Variants in NUDT9 observed in about 807,000 individuals in gnomAD.
NUDT9 encodes ADP-ribose pyrophosphatase.
NUDT9 carries 31 observed loss-of-function variants against 41.0 expected under a neutral mutation model. The observed-to-expected ratio is 0.76, with a 90% CI of 0.57 to 1.02. The LOEUF (loss-of-function observed/expected upper bound fraction) is 1.02, where lower values mean the gene tolerates loss of function less well. Ranked by LOEUF, NUDT9 falls within the 50% of genes least tolerant of loss-of-function variation. The pLI, the probability that NUDT9 is intolerant of heterozygous loss-of-function variation, is 0.00. For synonymous variants in NUDT9, 146 were observed against 147.6 expected (o/e 0.99, Z 0.08); for missense variants, 380 against 431.4 (o/e 0.88, Z 1.06).
chr4:87,443,691 A>C (rs533855611), intron 4 of NUDT9, among the ~76,000 whole-genome samples: 2 of 152,342 alleles, frequency 1.3e-5, no homozygotes, highest in South Asian at 4.1e-4. Flanking sequence ...GGTAGATTTG[A>C]GCTGAACTTG....
At chr4:87,448,138 ATTTTTTT>A (rs1213818782) in intron 4 of NUDT9, among the ~76,000 whole-genome samples, 6 of 92,386 alleles carry the variant, frequency 6.5e-5, no homozygotes, top group African/African-American at 1.9e-4. Context: ...TTAAAAGCAA[ATTTTTTT>A]TTTTTTTTTT....
At chr4:87,424,258 T>A (rs1007918901) in intron 1 of NUDT9, among the ~76,000 whole-genome samples, 1,107 of 67,128 alleles carry the variant, frequency 0.016, 10 homozygotes, top group African/African-American at 0.046. Context: ...TAATGCGTTT[T>A]TTTTTTTTTT....
At position 87,422,941 on chromosome 4, in the gene NUDT9, G is replaced by A. The variant is rs1257228808; in HGVS notation, c.36G>A (p.Ala12=). Residue 12 remains alanine (A), a synonymous_variant, in exon 1 of 8, where the codon GCG becomes GCA. Transcript: ENST00000302174. ...AGRLLGKALA[A]VSLSLALASV... ...GCCTCCTGGGAAAGGCTTTAGCCGCGGTGTCTCTCTCTCTGGCCTTGGCCT... is the reference window on the plus strand; with the variant it reads ...GCCTCCTGGGAAAGGCTTTAGCCGCAGTGTCTCTCTCTCTGGCCTTGGCCT... 12 of 1,612,422 alleles carry A rather than the reference G, an allele frequency of 7.4e-6. No homozygotes were observed. The highest frequency in any genetic ancestry group is 9.3e-6 in the Non-Finnish European group (11 of 1,179,692).
intron 6 of NUDT9, among the ~76,000 whole-genome samples, chr4:87,453,968 T>C (rs1039818293): frequency 1.3e-5 from 2 of 151,564 alleles, no homozygotes; most frequent in Non-Finnish European, 2.9e-5. Context: ...AAGTAATTTC[T>C]CCTGTCTTAG....
intron 1 of NUDT9, among the ~76,000 whole-genome samples, chr4:87,432,987 T>C (rs71607434): frequency 0.096 from 14,678 of 152,148 alleles, 1,031 homozygotes; most frequent in East Asian, 0.29. Context: ...TGTCAAGCTT[T>C]AGTATCAGGA....
intron 2 of NUDT9, among the ~76,000 whole-genome samples, chr4:87,437,698 A>G (rs1410246682): frequency 3.3e-5 from 5 of 152,204 alleles, no homozygotes; most frequent in African/African-American, 4.8e-5. Flanking sequence ...TTTTACATTT[A>G]CATAGCTCTG....
chr4:87,453,491 G>A (rs1318619157), intron 6 of NUDT9, among the ~76,000 whole-genome samples: 2 of 152,070 alleles, frequency 1.3e-5, no homozygotes, highest in Non-Finnish European at 2.9e-5. Flanking sequence ...GTGCAGTGAT[G>A]CGATCTCGGC....
rs750577053 is a variant in NUDT9 at position 87,423,009 on chromosome 4, T to G, written c.104T>G (p.Phe35Cys). 4 of 1,612,284 alleles carry G rather than the reference T, an allele frequency of 2.5e-6. No individual in the cohort carries two copies. Among genetic ancestry groups the G allele is most frequent in the Non-Finnish European group, 3.4e-6 (4 of 1,179,052 alleles). The change falls in exon 1 of 8, where the codon TTC (phenylalanine) becomes TGC (cysteine). Residue 35 changes from phenylalanine (F) to cysteine (C), a missense_variant. Phe to Cys is a radical substitution (Grantham distance 205, BLOSUM62 -2). Coordinates refer to ENST00000302174, the MANE Select transcript of NUDT9 (RefSeq NM_024047.5). ...RSSRCRGIQAFRNSFSSSWFH... is the reference protein window; with the variant it reads ...RSSRCRGIQACRNSFSSSWFH... ...TCGCGCTGCCGCGGCATCCAGGCGT[T>G]CAGGTATTCCACCCTCCTACTACCG... is the stretch of plus-strand genomic sequence containing the variant.
intron 1 of NUDT9, among the ~76,000 whole-genome samples, chr4:87,426,763 T>C (rs1291123227): frequency 6.6e-6 from 1 of 151,036 alleles, no homozygotes; most frequent in East Asian, 1.9e-4. Flanking sequence ...TGGCCTGGTG[T>C]GGAGGCTCAC....
intron 3 of NUDT9, among the ~76,000 whole-genome samples, chr4:87,441,378 T>A (rs185925479): frequency 6.6e-6 from 1 of 152,302 alleles, no homozygotes. Flanking sequence ...ATATATATTA[T>A]TGATAATAAA....
intron 4 of NUDT9, among the ~76,000 whole-genome samples, chr4:87,444,290 CTT>C (rs1362216072): frequency 2.0e-5 from 3 of 151,928 alleles, no homozygotes; most frequent in Non-Finnish European, 4.4e-5. Flanking sequence ...TAGTTTAACT[CTT>C]TATATATTTT....
At chr4:87,424,222 C>T (rs1424287428) in intron 1 of NUDT9, among the ~76,000 whole-genome samples, 1 of 148,466 alleles carries the variant, frequency 6.7e-6, no homozygotes, top group Non-Finnish European at 1.5e-5. Context: ...TAGCTCGGCT[C>T]AGCTTGTAGG....
chr4:87,454,548 CT>C, intron 7 of NUDT9, 93 bp downstream of exon 7: 1 of 825,910 alleles, frequency 1.2e-6, no homozygotes, highest in Non-Finnish European at 2.1e-6. Context: ...TATTTAGCAT[CT>C]TAAACCAATT....
At chr4:87,440,561 T>A (rs541474116) in intron 3 of NUDT9, among the ~76,000 whole-genome samples, 1 of 152,234 alleles carries the variant, frequency 6.6e-6, no homozygotes, top group Non-Finnish European at 1.5e-5. Context: ...TAAAATATGG[T>A]TGCAGGCCGG....
chr4:87,456,860 C>T lies in NUDT9; in HGVS notation c.875-983C>T, dbSNP rs564153818. 3.9e-5 allele frequency among the ~76,000 whole-genome samples: 6 copies of T among 152,156 alleles called. No individual in the cohort carries two copies. In the East Asian group the frequency reaches 7.7e-4, roughly 20 times the overall value. The stretch of plus-strand genomic sequence containing the variant: ...GCAGGAGAATCGCTTGTACTCAGGA[C>T]GCGGAGGTTGCAGTGAGCCGTGATT... On this transcript the variant is annotated intron_variant, in intron 7 of 7. Coordinates refer to ENST00000302174, the MANE Select transcript of NUDT9 (RefSeq NM_024047.5).
At chr4:87,453,456 T>C (rs1440293178) in intron 6 of NUDT9, among the ~76,000 whole-genome samples, 1 of 151,770 alleles carries the variant, frequency 6.6e-6, no homozygotes, top group African/African-American at 2.4e-5. Context: ...TTTGAGACAG[T>C]GTCTGGCTCT....
At chr4:87,434,920 A>T in intron 1 of NUDT9, 61 bp from the exon 2 acceptor site, 2 of 1,455,522 alleles carry the variant, frequency 1.4e-6, no homozygotes, top group East Asian at 2.3e-5. Context: ...CACCCGGCCT[A>T]GGTTCTTTAA....
intron 3 of NUDT9, among the ~76,000 whole-genome samples, chr4:87,440,095 C>T (rs541537888): frequency 5.1e-4 from 78 of 152,146 alleles, no homozygotes; most frequent in African/African-American, 1.8e-3. Context: ...TGACTGATTC[C>T]TTAGGTTCTT....
chr4:87,438,922 T>C (rs1179556807), intron 3 of NUDT9, among the ~76,000 whole-genome samples: 2 of 152,050 alleles, frequency 1.3e-5, no homozygotes, highest in Non-Finnish European at 2.9e-5. Context: ...ATCCCAGCAC[T>C]TTGGGAGGCT....
Sources: allele counts gnomAD v4.1 joint callset (sites outside exome capture counted in the v4.1 genomes callset), GRCh38; gene constraint gnomAD v4.1.1; transcripts MANE v1.5; gene names NCBI Gene and HGNC (gene_info 2026-07-23, HGNC 2026-07-21).